Variants in STK4 observed in about 807,000 individuals in gnomAD.
STK4 encodes the protein serine/threonine-protein kinase 4.
Under a neutral mutation model 64.9 loss-of-function variants are expected in STK4, and 30 were observed. The observed-to-expected ratio is 0.46, with a 90% CI of 0.35 to 0.63. The LOEUF is 0.63. STK4 is among the 20% of genes least tolerant of loss of function. STK4 has a pLI of 0.01. For missense variants in STK4, 466 were observed against 598.5 expected (o/e 0.78, Z 2.31); for synonymous variants, 177 against 199.0 (o/e 0.89, Z 0.93).
intron 10 of STK4, among the ~76,000 whole-genome samples, chr20:45,029,160 T>C (rs537819081): frequency 3.3e-4 from 51 of 152,322 alleles, no homozygotes; most frequent in African/African-American, 1.1e-3. Context: ...TTTGAAAATG[T>C]GAAAGATCTG....
At chr20:44,972,361 T>G (rs2067263262) in intron 2 of STK4, 1 of 467,444 alleles carries the variant, frequency 2.1e-6, no homozygotes, top group Admixed American at 4.1e-5. Context: ...ACGAAGAATA[T>G]CTATTGTTTT....
intron 10 of STK4, among the ~76,000 whole-genome samples, chr20:45,026,665 T>A (rs994233675): frequency 2.6e-5 from 4 of 152,226 alleles, no homozygotes; most frequent in Admixed American, 6.5e-5. Flanking sequence ...TTGGAAGGGA[T>A]GACTTGACCT....
chr20:45,016,152 CTG>C (rs1200467313), intron 9 of STK4, among the ~76,000 whole-genome samples: 3 of 152,058 alleles, frequency 2.0e-5, no homozygotes, highest in Non-Finnish European at 4.4e-5. Context: ...TGGTTTGTGT[CTG>C]TGTGTGTCTG....
rs1039341969 is a variant in STK4, at chr20:44,997,263, T to C, written c.788T>C (p.Val263Ala). The change falls in exon 7 of 11, where the codon GTA becomes GCA. Residue 263 changes from valine to alanine, a missense_variant. Val to Ala is a moderately conservative substitution (Grantham distance 64). This residue lies in a region of STK4 where 276 missense variants were observed against 308.9 expected (regional missense o/e 0.89). Transcript: ENST00000372806. ...ACAGATTTTGTGAAACAGTGTCTTG[T>C]AAAGAGCCCTGAGCAGAGGGCCACA... ...NFTDFVKQCL[V>A]KSPEQRATAT... 1.9e-6 allele frequency: 3 copies of C among 1,613,444 alleles called. No individual in the cohort carries two copies. Among genetic ancestry groups the C allele is most frequent in the African/African-American group, 1.3e-5 (1 of 75,028 alleles).
At chr20:44,988,978 A>G (rs1206116837) in intron 5 of STK4, among the ~76,000 whole-genome samples, 1 of 151,842 alleles carries the variant, frequency 6.6e-6, no homozygotes, top group Non-Finnish European at 1.5e-5. Context: ...ATTCCTTTTT[A>G]TTGCTCAGTA....
rs1336347884 is a variant in STK4, at chr20:45,025,032, G to A, written c.1207G>A (p.Glu403Lys). The change falls in exon 10 of 11, where the codon GAA (glutamate) becomes AAA (lysine). Residue 403 changes from glutamate (E) to lysine (K), a missense_variant. Around this residue, in one of 2 missense-constraint regions of STK4, gnomAD observed 276 missense variants for 308.9 expected, o/e 0.89. Transcript: ENST00000372806. Reference protein sequence around the residue: ...PSFLEYFEQKEKENQINSFGK... With the variant: ...PSFLEYFEQKKKENQINSFGK... ...CTTTCTTGAATATTTTGAACAAAAA[G>A]AAAAGGAAAACCAGATCAACAGCTT... 1 of 1,613,222 alleles carries A rather than the reference G, an allele frequency of 6.2e-7. No homozygotes were observed. Among genetic ancestry groups the A allele is most frequent in the East Asian group, 2.2e-5 (1 of 44,862 alleles).
intron 9 of STK4, among the ~76,000 whole-genome samples, chr20:45,023,272 A>T (rs965769203): frequency 1.3e-5 from 2 of 152,328 alleles, no homozygotes; most frequent in East Asian, 3.9e-4. Context: ...CAGTCTGTGG[A>T]TATGGGCAGA....
At chr20:45,068,655 A>G (rs557077825) in intron 10 of STK4, among the ~76,000 whole-genome samples, 1 of 152,236 alleles carries the variant, frequency 6.6e-6, no homozygotes, top group Non-Finnish European at 1.5e-5. Flanking sequence ...GAAACCCTTC[A>G]TGTTTCTTCC....
At chr20:45,056,836 T>G (rs761926967) in intron 10 of STK4, among the ~76,000 whole-genome samples, 1 of 152,172 alleles carries the variant, frequency 6.6e-6, no homozygotes, top group Non-Finnish European at 1.5e-5. Flanking sequence ...AGGGCGTATA[T>G]CCAAGGAAGG....
chr20:45,000,328 A>G (rs1437811722), intron 7 of STK4, 64 bp from the exon 8 acceptor site: 1 of 1,554,420 alleles, frequency 6.4e-7, no homozygotes, highest in Non-Finnish European at 8.7e-7. Flanking sequence ...ACTGTGTTCC[A>G]GGTACTGTTT....
intron 9 of STK4, among the ~76,000 whole-genome samples, chr20:45,013,080 T>G (rs1437661506): frequency 6.7e-6 from 1 of 149,354 alleles, no homozygotes; most frequent in Admixed American, 6.8e-5. Flanking sequence ...ATTACAAGTG[T>G]GAACCACCAA....
intron 5 of STK4, among the ~76,000 whole-genome samples, chr20:44,989,528 A>G (rs1601212154): frequency 7.1e-6 from 1 of 139,920 alleles, no homozygotes; most frequent in African/African-American, 2.5e-5. Flanking sequence ...TGATTTGCAA[A>G]TATTTTCTCT....
At chr20:45,072,457 G>T (rs1454174346) in intron 10 of STK4, among the ~76,000 whole-genome samples, 1 of 152,096 alleles carries the variant, frequency 6.6e-6, no homozygotes, top group African/African-American at 2.4e-5. Flanking sequence ...TTTTTCCAGA[G>T]CACCTTCTAA....
chr20:45,064,112 G>GT (rs1254637065), intron 10 of STK4, among the ~76,000 whole-genome samples: 1 of 152,014 alleles, frequency 6.6e-6, no homozygotes, highest in Admixed American at 6.6e-5. Flanking sequence ...CCGGCCAAGG[G>GT]GGGGGGTCCA....
chr20:45,030,347 ACT>A (rs146701957), intron 10 of STK4, among the ~76,000 whole-genome samples: 4,273 of 151,738 alleles, frequency 0.028, 181 homozygotes, highest in African/African-American at 0.093. Flanking sequence ...CTTGTGATCC[ACT>A]CTCTTTGGCC....
intron 9 of STK4, among the ~76,000 whole-genome samples, chr20:45,006,180 CTAT>C (rs920979911): frequency 6.6e-6 from 1 of 150,414 alleles, no homozygotes; most frequent in African/African-American, 2.4e-5. Flanking sequence ...TTTGGTTTCT[CTAT>C]TATTATTATT....
At chr20:45,019,385 G>A (rs2068202722) in intron 9 of STK4, among the ~76,000 whole-genome samples, 1 of 152,014 alleles carries the variant, frequency 6.6e-6, no homozygotes, top group African/African-American at 2.4e-5. Context: ...ATTTCTTTTT[G>A]TTGCTGAATA....
chr20:45,012,300 C>T (rs867695078), intron 9 of STK4, among the ~76,000 whole-genome samples: 2 of 152,286 alleles, frequency 1.3e-5, no homozygotes, highest in Middle Eastern at 3.4e-3. Flanking sequence ...TCCCAAAGTG[C>T]TGGGATTACA....
At chr20:45,046,825 G>A (rs1262817484) in intron 10 of STK4, among the ~76,000 whole-genome samples, 3 of 151,972 alleles carry the variant, frequency 2.0e-5, no homozygotes, top group African/African-American at 4.8e-5. Flanking sequence ...GGGATTACAG[G>A]CACCTGCCAC....
Sources: gnomAD v4.1 joint callset for allele counts (sites outside exome capture counted in the v4.1 genomes callset) on GRCh38, gnomAD v4.1.1 for gene constraint, gnomAD v4.1.1 regional missense constraint, MANE v1.5 for transcripts, NCBI Gene and HGNC (gene_info 2026-07-23, HGNC 2026-07-21) for gene names.